The following YEATS4 variants were observed in gnomAD, a reference collection of about 807,000 sequenced individuals.
YEATS4 encodes the protein YEATS domain-containing protein 4.
In YEATS4, 17 loss-of-function variants were observed where a neutral mutation model predicts 30.1. The observed-to-expected ratio is 0.56, with a 90% CI of 0.39 to 0.85. The LOEUF (loss-of-function observed/expected upper bound fraction) is 0.85, where lower values mean the gene tolerates loss of function less well. YEATS4 is among the 40% of genes least tolerant of loss of function. The pLI is 0.00. For synonymous variants in YEATS4, 85 were observed against 87.5 expected (o/e 0.97, Z 0.16); for missense variants, 142 against 268.3 (o/e 0.53, Z 3.29).
chr12:69,423,443 G>A, the YEATS4 span, among the ~76,000 whole-genome samples: 2 of 152,192 alleles, frequency 1.3e-5, no homozygotes, highest in African/African-American at 4.8e-5. Flanking sequence ...AGGCATTTAA[G>A]TTTATATTTG....
chr12:69,378,262 A>G (rs1565679687), intron 6 of YEATS4, among the ~76,000 whole-genome samples: 1 of 152,036 alleles, frequency 6.6e-6, no homozygotes, highest in Non-Finnish European at 1.5e-5. Context: ...TTATAGGTGA[A>G]GTGTGTTTCC....
At chr12:69,365,916 T>C (rs755871267) in intron 4 of YEATS4, 32 bp downstream of exon 4, 1 of 1,438,698 alleles carries the variant, frequency 7.0e-7, no homozygotes, top group Admixed American at 2.2e-5. Context: ...AAATATAAAA[T>C]AGATTTCTTA....
chr12:69,376,851 G>A (rs937848804), intron 6 of YEATS4, among the ~76,000 whole-genome samples: 15 of 152,182 alleles, frequency 9.9e-5, no homozygotes, highest in African/African-American at 3.6e-4. Context: ...TTTGCTGGGA[G>A]ACTTTTTACT....
the YEATS4 span, among the ~76,000 whole-genome samples, chr12:69,407,168 A>G: frequency 1.3e-5 from 2 of 150,982 alleles, no homozygotes; most frequent in East Asian, 3.9e-4. Flanking sequence ...AGAATCAAGA[A>G]TGATTGAGAA....
At chr12:69,387,178 C>G (rs1868262073) in intron 6 of YEATS4, among the ~76,000 whole-genome samples, 1 of 151,950 alleles carries the variant, frequency 6.6e-6, no homozygotes, top group African/African-American at 2.4e-5. Flanking sequence ...GGAAAATGAG[C>G]AAAAGGAAAA....
chr12:69,425,394 C>T, the YEATS4 span, among the ~76,000 whole-genome samples: 8 of 152,278 alleles, frequency 5.3e-5, no homozygotes, highest in South Asian at 1.0e-3. Flanking sequence ...TAAGGACAAT[C>T]GTGAGCTTTT....
At chr12:69,362,493 A>G (rs945113762) in intron 1 of YEATS4, among the ~76,000 whole-genome samples, 9 of 152,214 alleles carry the variant, frequency 5.9e-5, no homozygotes, top group Non-Finnish European at 1.2e-4. Context: ...TTCAATGCCT[A>G]GCTTTCAGGT....
At chr12:69,365,448 C>T (rs1487269777) in intron 2 of YEATS4, among the ~76,000 whole-genome samples, 185 bp from the exon 3 acceptor site, 1 of 145,268 alleles carries the variant, frequency 6.9e-6, no homozygotes, top group Admixed American at 6.9e-5. Flanking sequence ...GAGACTCCAT[C>T]TCAGGAAAAA....
the YEATS4 span, among the ~76,000 whole-genome samples, chr12:69,407,570 T>C: frequency 3.0e-4 from 45 of 152,112 alleles, no homozygotes; most frequent in Non-Finnish European, 5.6e-4. Context: ...ACTTTCTTAA[T>C]TGGACTTGTG....
At chr12:69,427,025 G>T in the YEATS4 span, among the ~76,000 whole-genome samples, 1 of 152,046 alleles carries the variant, frequency 6.6e-6, no homozygotes, top group Non-Finnish European at 1.5e-5. Context: ...CTTGATGTTT[G>T]GCTATCTTAA....
At chr12:69,389,267 C>A (rs559395120) in intron 6 of YEATS4, among the ~76,000 whole-genome samples, 2 of 151,652 alleles carry the variant, frequency 1.3e-5, no homozygotes. Flanking sequence ...CTGGGCAACA[C>A]GGTGAAACCC....
chr12:69,395,810 T>C (rs1410745558), downstream of YEATS4, among the ~76,000 whole-genome samples: 1 of 152,182 alleles, frequency 6.6e-6, no homozygotes, highest in African/African-American at 2.4e-5. Context: ...CTGAAGGGAC[T>C]TACGGGTAAG....
chr12:69,379,148 C>T (rs1028865230), intron 6 of YEATS4, among the ~76,000 whole-genome samples: 1 of 152,096 alleles, frequency 6.6e-6, no homozygotes, highest in Admixed American at 6.6e-5. Flanking sequence ...TTGTATGTTA[C>T]TTGTTTTTGT....
chr12:69,407,592 A>G, the YEATS4 span, among the ~76,000 whole-genome samples: 4 of 151,948 alleles, frequency 2.6e-5, no homozygotes, highest in African/African-American at 9.7e-5. Flanking sequence ...AGGGCCCAGA[A>G]AACTCCGTGC....
chr12:69,401,609 T>A, the YEATS4 span, among the ~76,000 whole-genome samples: 1 of 152,208 alleles, frequency 6.6e-6, no homozygotes, highest in African/African-American at 2.4e-5. Context: ...CTGAAGTATC[T>A]GAGTGTGGTC....
chr12:69,402,518 C>T, the YEATS4 span, among the ~76,000 whole-genome samples: 1 of 152,076 alleles, frequency 6.6e-6, no homozygotes, highest in African/African-American at 2.4e-5. Flanking sequence ...GATCCACAAA[C>T]TTTTTCTGAA....
intron 2 of YEATS4, among the ~76,000 whole-genome samples, chr12:69,363,976 T>C (rs1211406579): frequency 6.6e-6 from 1 of 152,240 alleles, no homozygotes; most frequent in Admixed American, 6.5e-5. Flanking sequence ...CCAAATATTA[T>C]ATGCTTTTAT....
chr12:69,399,988 G>C, the YEATS4 span, among the ~76,000 whole-genome samples: 1 of 152,172 alleles, frequency 6.6e-6, no homozygotes, highest in Non-Finnish European at 1.5e-5. Flanking sequence ...GGGAGGATGG[G>C]GAGTGACTGG....
the YEATS4 span, among the ~76,000 whole-genome samples, chr12:69,415,907 G>C: frequency 6.6e-6 from 1 of 152,222 alleles, no homozygotes; most frequent in African/African-American, 2.4e-5. Flanking sequence ...GCTGCCTGAA[G>C]GTGGCATCTC....
Sources: allele counts gnomAD v4.1 joint callset (sites outside exome capture counted in the v4.1 genomes callset), GRCh38; gene constraint gnomAD v4.1.1; transcripts MANE v1.5; gene names NCBI Gene and HGNC (gene_info 2026-07-23, HGNC 2026-07-21).